Variants in PPP6R2 observed in about 807,000 individuals in gnomAD.
The protein encoded by PPP6R2 is serine/threonine-protein phosphatase 6 regulatory subunit 2.
A neutral mutation model predicts 100.2 loss-of-function variants in PPP6R2; 62 were observed. That is an observed-to-expected ratio of 0.62 (90% CI 0.50 to 0.76). The LOEUF is 0.76. Among genes scored for constraint, PPP6R2 ranks in the 30% least tolerant of loss-of-function variants. PPP6R2 has a pLI of 0.00. For missense variants in PPP6R2, 1,142 were observed against 1,276.3 expected, an observed-to-expected ratio of 0.89 and a Z score of 1.60; for synonymous variants, 525 against 514.7, an observed-to-expected ratio of 1.02 and a Z score of -0.27.
intron 14 of PPP6R2, 74 bp downstream of exon 14, chr22:50,436,526 C>T: frequency 6.8e-7 from 1 of 1,462,360 alleles, no homozygotes; most frequent in Admixed American, 2.0e-5. Flanking sequence ...TGCCTTTGCC[C>T]TGAGGCAGAG....
Position 50,343,371 on chromosome 22 carries a change from C to A in PPP6R2, c.-327C>A, listed in dbSNP as rs1032970986. On this transcript the variant is annotated 5_prime_UTR_variant, in exon 1 of 24. Transcript: ENST00000612753. The stretch of plus-strand genomic sequence containing the variant: ...CGGAGTGCCGCCCGCGGCCCCGAGT[C>A]GGTCTCGAGCCGCCGGCCGGCCGTG... The A allele has an allele frequency of 1.3e-5, 2 of 151,006 alleles. No individual in the cohort carries two copies. Among genetic ancestry groups the A allele is most frequent in the South Asian group, 2.0e-4 (1 of 4,978 alleles). The allele number at this position is 151,006 out of a possible 1,614,324, so 9.4% of individuals were successfully genotyped here. A position where few individuals can be genotyped will look rare whatever the true frequency, so the allele number is the denominator to read the frequency against.
At chr22:50,352,398 A>G (rs546944293) in intron 1 of PPP6R2, among the ~76,000 whole-genome samples, 3 of 152,250 alleles carry the variant, frequency 2.0e-5, no homozygotes, top group East Asian at 1.9e-4. Flanking sequence ...ACTGTAGACT[A>G]TTTAAGTCTG....
intron 8 of PPP6R2, among the ~76,000 whole-genome samples, chr22:50,421,465 C>T: frequency 6.6e-6 from 1 of 152,224 alleles, no homozygotes; most frequent in East Asian, 1.9e-4. Flanking sequence ...ACCTGTCCCC[C>T]CCAAAGTGCT....
intron 10 of PPP6R2, among the ~76,000 whole-genome samples, chr22:50,424,607 G>C (rs1327491544): frequency 6.8e-6 from 1 of 147,186 alleles, no homozygotes; most frequent in Non-Finnish European, 1.5e-5. Context: ...TTACAAAAGA[G>C]ACCTACTTTC....
intron 2 of PPP6R2, among the ~76,000 whole-genome samples, chr22:50,385,399 A>T (rs12160086): frequency 6.6e-6 from 1 of 151,136 alleles, no homozygotes; most frequent in African/African-American, 2.4e-5. Flanking sequence ...GAGTTTCACC[A>T]TGTTGGCCAG....
chr22:50,375,474 G>A (rs2051284901), intron 2 of PPP6R2, among the ~76,000 whole-genome samples: 1 of 152,112 alleles, frequency 6.6e-6, no homozygotes, highest in South Asian at 2.1e-4. Context: ...TTCCTCTCAA[G>A]GTAAATAGCC....
chr22:50,378,528 G>T (rs923209561), intron 2 of PPP6R2, among the ~76,000 whole-genome samples: 2 of 152,038 alleles, frequency 1.3e-5, no homozygotes, highest in Admixed American at 6.6e-5. Flanking sequence ...GGAGGTTGTG[G>T]TGAGCTGAGA....
At chr22:50,430,608 T>C (rs948161299) in intron 10 of PPP6R2, among the ~76,000 whole-genome samples, 7 of 152,208 alleles carry the variant, frequency 4.6e-5, no homozygotes, top group African/African-American at 1.4e-4. Context: ...GCCTGGTGAC[T>C]TATGCCTGTC....
intron 2 of PPP6R2, among the ~76,000 whole-genome samples, chr22:50,382,211 G>A (rs1301660479): frequency 6.6e-6 from 1 of 152,290 alleles, no homozygotes; most frequent in African/African-American, 2.4e-5. Flanking sequence ...ATACTATTAT[G>A]TATGTAGAAA....
intron 13 of PPP6R2, 65 bp from the exon 14 acceptor site, chr22:50,436,302 C>T (rs1322687543): frequency 1.4e-6 from 2 of 1,453,602 alleles, no homozygotes; most frequent in African/African-American, 2.8e-5. Context: ...TGCCGGAGCC[C>T]CCGGGTGCCC....
chr22:50,420,036 A>G (rs1031656170), intron 8 of PPP6R2, among the ~76,000 whole-genome samples: 1 of 152,038 alleles, frequency 6.6e-6, no homozygotes, highest in Non-Finnish European at 1.5e-5. Flanking sequence ...GTGCACTAAC[A>G]CGGGCCCGAG....
intron 2 of PPP6R2, among the ~76,000 whole-genome samples, chr22:50,384,058 GGAT>G (rs1481764615): frequency 6.8e-6 from 1 of 146,994 alleles, no homozygotes; most frequent in Non-Finnish European, 1.5e-5. Context: ...AAAAAAAGAA[GGAT>G]GAACACCTTT....
chr22:50,432,157 C>T, intron 11 of PPP6R2, 108 bp from the exon 12 acceptor site: 1 of 1,014,490 alleles, frequency 9.9e-7, no homozygotes, highest in South Asian at 1.5e-5. Context: ...CCTGCAAAGT[C>T]CACACAGACG....
At chr22:50,357,060 T>C (rs2046762408) in intron 1 of PPP6R2, among the ~76,000 whole-genome samples, 1 of 152,232 alleles carries the variant, frequency 6.6e-6, no homozygotes, top group South Asian at 2.1e-4. Flanking sequence ...CTTTTTACTT[T>C]TAGCCATTCA....
In PPP6R2 at chr22:50,398,828, A is replaced by C. The variant is rs183596276; in HGVS notation, c.227+4693A>C. On this transcript the variant is annotated intron_variant, in intron 3 of 23. Coordinates refer to ENST00000612753, the MANE Select transcript of PPP6R2 (RefSeq NM_001242898.2). ...GAAGACACTTTTTTTGAGGCTAGTCAAAGTGCAGCAGTGTTTACACCTAAT... is the reference window on the plus strand; with the variant it reads ...GAAGACACTTTTTTTGAGGCTAGTCCAAGTGCAGCAGTGTTTACACCTAAT... 3.3e-5 allele frequency among the ~76,000 whole-genome samples: 5 copies of C among 152,374 alleles called. No individual in the cohort carries two copies. In the East Asian group the frequency reaches 9.6e-4, roughly 29 times the overall value.
intron 9 of PPP6R2, 136 bp downstream of exon 9, chr22:50,422,516 A>C: frequency 1.7e-6 from 2 of 1,204,200 alleles, no homozygotes; most frequent in South Asian, 1.7e-5. Context: ...CCATTCCCAC[A>C]CCCCCACTTG....
intron 4 of PPP6R2, among the ~76,000 whole-genome samples, chr22:50,408,766 C>T (rs2059342662): frequency 6.6e-6 from 1 of 152,196 alleles, no homozygotes; most frequent in African/African-American, 2.4e-5. Flanking sequence ...ATTTTTCTTC[C>T]ATTCTCTCAC....
chr22:50,363,404 GT>G (rs1203811848), intron 1 of PPP6R2, among the ~76,000 whole-genome samples: 4 of 152,238 alleles, frequency 2.6e-5, no homozygotes, highest in Non-Finnish European at 5.9e-5. Flanking sequence ...CAGAATTATA[GT>G]GCTCTAGTAT....
chr22:50,426,833 CAAAAA>C (rs71198248), intron 10 of PPP6R2, among the ~76,000 whole-genome samples: 2 of 102,318 alleles, frequency 2.0e-5, no homozygotes, highest in Non-Finnish European at 3.7e-5. Context: ...GATTCTGTTT[CAAAAA>C]AAAAAAAAAA....
Sources: allele counts gnomAD v4.1 joint callset (sites outside exome capture counted in the v4.1 genomes callset), GRCh38; gene constraint gnomAD v4.1.1; transcripts MANE v1.5; gene names NCBI Gene and HGNC (gene_info 2026-07-23, HGNC 2026-07-21).